PCDHA8: variants seen among roughly 807,000 people sequenced by gnomAD.
The protein encoded by PCDHA8 is protocadherin alpha-8.
PCDHA8 carries 53 observed loss-of-function variants against 61.8 expected under a neutral mutation model. The ratio of observed to expected loss-of-function variants is 0.86; its 90% CI spans 0.69 to 1.08. PCDHA8 has a LOEUF of 1.08. Ranked by LOEUF, PCDHA8 falls within the 50% of genes least tolerant of loss-of-function variation. The pLI is 0.00. For missense variants in PCDHA8, 1,293 were observed against 1,245.0 expected, an observed-to-expected ratio of 1.04 and a Z score of -0.58; for synonymous variants, 618 against 556.6, an observed-to-expected ratio of 1.11 and a Z score of -1.55.
rs2150349031 is a variant in PCDHA8 at position 140,842,977 on chromosome 5, G to A, written c.1656G>A (p.Gln552=). 1.3e-6 allele frequency: 2 copies of A among 1,595,034 alleles called. No homozygotes were observed. Among genetic ancestry groups the A allele is most frequent in the East Asian group, 2.2e-5 (1 of 44,816 alleles). ...CTCTGGGCAGCAACGTGACGCTGCAGGTGTTCGTGCTGGACGAGAATGACA... is the reference window on the plus strand; with the variant it reads ...CTCTGGGCAGCAACGTGACGCTGCAAGTGTTCGTGCTGGACGAGAATGACA... ...VPPLGSNVTL[Q]VFVLDENDNA... is the part of the protein sequence containing the mutation. Residue 552 remains glutamine (Q), a synonymous_variant, in exon 1 of 4, where the codon CAG becomes CAA. Coordinates refer to ENST00000531613, the MANE Select transcript of PCDHA8 (RefSeq NM_018911.3).
intron 1 of PCDHA8, among the ~76,000 whole-genome samples, chr5:140,900,565 C>T (rs368765128): frequency 1.2e-4 from 19 of 152,248 alleles, no homozygotes; most frequent in South Asian, 1.2e-3. Context: ...GCGTGAGCCA[C>T]GGCACCGGCC....
intron 1 of PCDHA8, among the ~76,000 whole-genome samples, chr5:140,896,682 C>A (rs573518532): frequency 6.6e-6 from 1 of 152,124 alleles, no homozygotes; most frequent in African/African-American, 2.4e-5. Flanking sequence ...CGGCCCTTTG[C>A]CCATTTTTTG....
At chr5:140,953,952 C>G (rs1025145135) in intron 1 of PCDHA8, among the ~76,000 whole-genome samples, 1 of 152,084 alleles carries the variant, frequency 6.6e-6, no homozygotes, top group Non-Finnish European at 1.5e-5. Flanking sequence ...GCTCCCCCAA[C>G]AGGCCCCAGT....
At chr5:140,949,144 T>C (rs2094347159) in intron 1 of PCDHA8, among the ~76,000 whole-genome samples, 1 of 151,806 alleles carries the variant, frequency 6.6e-6, no homozygotes, top group Non-Finnish European at 1.5e-5. Context: ...TTGTTGCTTT[T>C]GATTTCTAAT....
chr5:140,858,852 T>A lies in PCDHA8; in HGVS notation c.2394+15137T>A, dbSNP rs1327075015. The A allele has an allele frequency of 2.5e-5, 7 of 281,540 alleles. 1 individual carries two copies. The highest frequency in any genetic ancestry group is 4.7e-5 in the Non-Finnish European group (7 of 148,550). The allele number at this position is 281,540 out of a possible 1,614,324, so 17.4% of individuals were successfully genotyped here. On this transcript the variant is annotated intron_variant, in intron 1 of 3. Coordinates refer to ENST00000531613, the MANE Select transcript of PCDHA8 (RefSeq NM_018911.3). ...TACCAAAAAATTCCACTGATCTATA[T>A]CTCTTCAGTGAAAATGTGTTTTCCT... is the stretch of plus-strand genomic sequence containing the variant.
chr5:140,847,431 G>C (rs1781013253), intron 1 of PCDHA8: 1 of 149,628 alleles, frequency 6.7e-6, no homozygotes, highest in South Asian at 2.1e-4. Flanking sequence ...CTTTAGACTT[G>C]AGATACACTA....
chr5:140,887,654 G>A (rs2061529435), intron 1 of PCDHA8, among the ~76,000 whole-genome samples: 1 of 151,712 alleles, frequency 6.6e-6, no homozygotes, highest in South Asian at 2.1e-4. Context: ...TGATATTCTT[G>A]GATCTGTGGA....
In PCDHA8 at chr5:140,874,972, G is replaced by A. The variant is rs2055201149; in HGVS notation, c.2394+31257G>A. On this transcript the variant is annotated intron_variant, in intron 1 of 3. Coordinates refer to ENST00000531613, the MANE Select transcript of PCDHA8 (RefSeq NM_018911.3). ...TTGTAAGCTATATAAGGGGAGGGGT[G>A]CTGTATATTATTCTGTATATCATTT... 2.6e-5 allele frequency among the ~76,000 whole-genome samples: 4 copies of A among 152,186 alleles called. No homozygotes were observed. In the South Asian group the frequency reaches 6.2e-4, roughly 24 times the overall value.
chr5:140,858,663 C>A, intron 1 of PCDHA8: 1 of 735,366 alleles, frequency 1.4e-6, no homozygotes, highest in Non-Finnish European at 2.1e-6. Flanking sequence ...TTTTAAATAA[C>A]AATTTATTCT....
At chr5:140,876,098 A>G in intron 1 of PCDHA8, 2 of 1,613,962 alleles carry the variant, frequency 1.2e-6, no homozygotes, top group Non-Finnish European at 1.7e-6. Flanking sequence ...CCAAAACTCA[A>G]TTTATTGCTG....
chr5:140,989,727 A>C (rs1203211477), intron 3 of PCDHA8, among the ~76,000 whole-genome samples: 7 of 152,190 alleles, frequency 4.6e-5, no homozygotes, highest in African/African-American at 1.7e-4. Context: ...TTTGCAGTTG[A>C]AAAGGCCATT....
chr5:140,966,986 C>G (rs1364396774), intron 1 of PCDHA8: 1 of 1,603,766 alleles, frequency 6.2e-7, no homozygotes, highest in African/African-American at 1.3e-5. Flanking sequence ...GCGCTTGGGG[C>G]CGGGTTGCTT....
At chr5:140,967,535 T>C in intron 1 of PCDHA8, 3 of 1,613,746 alleles carry the variant, frequency 1.9e-6, no homozygotes, top group Non-Finnish European at 2.5e-6. Context: ...CTCTCCTGCC[T>C]TTGACCAGTC....
intron 1 of PCDHA8, chr5:140,865,310 G>T (rs1315373536): frequency 3.9e-5 from 6 of 152,276 alleles, no homozygotes; most frequent in African/African-American, 1.4e-4. Flanking sequence ...AATTACAAAT[G>T]AGATGGCCTT....
intron 3 of PCDHA8, among the ~76,000 whole-genome samples, chr5:140,992,799 A>T (rs577698123): frequency 6.6e-6 from 1 of 152,274 alleles, no homozygotes; most frequent in African/African-American, 2.4e-5. Flanking sequence ...TTATGGATCC[A>T]TATGTATCTA....
intron 3 of PCDHA8, among the ~76,000 whole-genome samples, chr5:140,993,758 T>C (rs1205942777): frequency 6.6e-6 from 1 of 152,226 alleles, no homozygotes; most frequent in Non-Finnish European, 1.5e-5. Flanking sequence ...GCCATTATAT[T>C]ACAATTGCGC....
In PCDHA8 at chr5:140,952,330, C is replaced by A. The variant is rs564242872; in HGVS notation, c.2395-26619C>A. On this transcript the variant is annotated intron_variant, in intron 1 of 3. Transcript: ENST00000531613. ...TCCAGCCTGGGCAACAAGAGTGAAACTCCATCTCAAAAAAAAAAAAAAAAG... is the reference window on the plus strand; with the variant it reads ...TCCAGCCTGGGCAACAAGAGTGAAAATCCATCTCAAAAAAAAAAAAAAAAG... Among the ~76,000 whole-genome samples the A allele has an allele frequency of 2.2e-4, 26 of 120,342 alleles. No individual in the cohort carries two copies. The South Asian group carries it at 3.3e-3, about 15-fold the overall frequency. The allele number at this position is 120,342 out of a possible 152,430, so 78.9% of individuals were successfully genotyped here. A position where few individuals can be genotyped will look rare whatever the true frequency, so the allele number is the denominator to read the frequency against.
chr5:140,983,118 A>G (rs1251873984), intron 3 of PCDHA8, among the ~76,000 whole-genome samples: 1 of 152,220 alleles, frequency 6.6e-6, no homozygotes, highest in African/African-American at 2.4e-5. Flanking sequence ...CATCAACAAC[A>G]TTCTGCAGAC....
rs1026092245 is a variant in PCDHA8 at position 140,987,228 on chromosome 5, T to A, written c.2542+4665T>A. On this transcript the variant is annotated intron_variant, in intron 3 of 3. Transcript: ENST00000531613. The stretch of plus-strand genomic sequence containing the variant: ...GACTCCATCTCAAAAAAAAAAAAAA[T>A]AATAAATAAAGAAAGAAAGACATTC... Among the ~76,000 whole-genome samples, 392 of 149,148 alleles carry A rather than the reference T, an allele frequency of 2.6e-3. 1 individual carries two copies. Among genetic ancestry groups the A allele is most frequent in the African/African-American group, 8.3e-3 (336 of 40,458 alleles).
Sources: gnomAD v4.1 joint callset for allele counts (sites outside exome capture counted in the v4.1 genomes callset) on GRCh38, gnomAD v4.1.1 for gene constraint, MANE v1.5 for transcripts, NCBI Gene and HGNC (gene_info 2026-07-23, HGNC 2026-07-21) for gene names.